NRXN1: variants seen among roughly 807,000 people sequenced by gnomAD.
NRXN1 encodes the protein neurexin-1.
NRXN1 carries 39 observed loss-of-function variants against 150.9 expected under a neutral mutation model. That is an observed-to-expected ratio of 0.26 (90% CI 0.20 to 0.34). The LOEUF (loss-of-function observed/expected upper bound fraction) is 0.34, where lower values mean the gene tolerates loss of function less well. Among genes scored for constraint, NRXN1 ranks in the 10% least tolerant of loss-of-function variants. The pLI is 1.00. For missense variants in NRXN1, 1,815 were observed against 1,949.9 expected (o/e 0.93, Z 1.30); for synonymous variants, 924 against 757.0 (o/e 1.22, Z -3.62).
At chr2:50,474,519 T>C (rs4297925) in intron 15 of NRXN1, among the ~76,000 whole-genome samples, 1 of 151,532 alleles carries the variant, frequency 6.6e-6, no homozygotes, top group South Asian at 2.1e-4. Context: ...CAAACCTCTG[T>C]GCATTTCCTC....
chr2:50,322,108 C>T (rs990168169), intron 17 of NRXN1, among the ~76,000 whole-genome samples: 4 of 151,200 alleles, frequency 2.6e-5, no homozygotes, highest in Non-Finnish European at 5.9e-5. Context: ...GACTAAACAC[C>T]TACTACCTGG....
intron 21 of NRXN1, among the ~76,000 whole-genome samples, chr2:50,036,169 G>C (rs1347942984): frequency 2.0e-5 from 3 of 152,136 alleles, no homozygotes; most frequent in African/African-American, 7.2e-5. Context: ...AGACCAGGCG[G>C]AGGTAACTGA....
chr2:50,660,492 A>C, intron 5 of NRXN1, among the ~76,000 whole-genome samples: 1 of 152,038 alleles, frequency 6.6e-6, no homozygotes, highest in Middle Eastern at 3.2e-3. Context: ...CAGTGCCACA[A>C]TTAAGTCACG....
At chr2:50,858,666 CTACTT>C (rs1379501259) in intron 5 of NRXN1, among the ~76,000 whole-genome samples, 1 of 152,066 alleles carries the variant, frequency 6.6e-6, no homozygotes, top group Non-Finnish European at 1.5e-5. Context: ...ACTATGCAGA[CTACTT>C]TAAACATCTG....
At chr2:50,000,572 G>T (rs1287105095) in intron 21 of NRXN1, among the ~76,000 whole-genome samples, 1 of 152,074 alleles carries the variant, frequency 6.6e-6, no homozygotes, top group East Asian at 1.9e-4. Flanking sequence ...CATAAAATAA[G>T]ATAGTCAACA....
At chr2:50,261,090 C>G (rs11686497) in intron 17 of NRXN1, among the ~76,000 whole-genome samples, 19,500 of 151,600 alleles carry the variant, frequency 0.13, 1,370 homozygotes, top group East Asian at 0.17. Context: ...CATGTAGAGA[C>G]AACCAGACTG....
chr2:49,944,939 A>G (rs1270519485), intron 21 of NRXN1, among the ~76,000 whole-genome samples: 2 of 152,348 alleles, frequency 1.3e-5, no homozygotes, highest in Non-Finnish European at 2.9e-5. Flanking sequence ...GTCACAGATT[A>G]AAGTATAACT....
chr2:50,708,431 T>A (rs1694727530), intron 5 of NRXN1, among the ~76,000 whole-genome samples: 1 of 152,198 alleles, frequency 6.6e-6, no homozygotes, highest in South Asian at 2.1e-4. Flanking sequence ...TAACTTTCTA[T>A]GTAATAAGAT....
intron 18 of NRXN1, among the ~76,000 whole-genome samples, chr2:50,117,742 A>AGT (rs1178737055): frequency 3.0e-4 from 46 of 151,450 alleles, no homozygotes; most frequent in African/African-American, 1.1e-3. Flanking sequence ...TCACCGATTC[A>AGT]GTGAGCCAAA....
intron 2 of NRXN1, among the ~76,000 whole-genome samples, chr2:50,935,775 A>C (rs1484900679): frequency 6.6e-6 from 1 of 152,102 alleles, no homozygotes; most frequent in Non-Finnish European, 1.5e-5. Flanking sequence ...CAAAAGAAAA[A>C]AAAAAGTGGC....
In NRXN1 at chr2:50,947,793, A is replaced by G. The variant is rs1690635819; in HGVS notation, c.773-21838T>C. Reference sequence around the variant, plus strand: ...AAGGGTTTCCCTCATTTCCAGTGAAATAGACATGTATAATATCTACTTAAC... The same window carrying G: ...AAGGGTTTCCCTCATTTCCAGTGAAGTAGACATGTATAATATCTACTTAAC... On this transcript the variant is annotated intron_variant, in intron 2 of 22. Transcript: ENST00000401669. 2.0e-5 allele frequency among the ~76,000 whole-genome samples: 3 copies of G among 152,030 alleles called. No individual in the cohort carries two copies. The South Asian group carries it at 6.2e-4, about 31-fold the overall frequency.
chr2:50,711,666 G>T (rs1025881257), intron 5 of NRXN1, among the ~76,000 whole-genome samples: 4 of 151,942 alleles, frequency 2.6e-5, no homozygotes, highest in African/African-American at 9.7e-5. Context: ...ATCACTGACT[G>T]CTATGGTTTT....
chr2:50,760,530 C>G (rs1340028515), intron 5 of NRXN1, among the ~76,000 whole-genome samples: 1 of 151,806 alleles, frequency 6.6e-6, no homozygotes, highest in African/African-American at 2.4e-5. Flanking sequence ...TGTTGTGAGG[C>G]TCCTCTTCTC....
intron 21 of NRXN1, among the ~76,000 whole-genome samples, chr2:49,987,895 A>C (rs1047625107): frequency 6.6e-6 from 1 of 152,072 alleles, no homozygotes; most frequent in Non-Finnish European, 1.5e-5. Flanking sequence ...CAATTTATAT[A>C]TTTAGTTGTA....
intron 5 of NRXN1, among the ~76,000 whole-genome samples, chr2:50,833,266 T>C (rs553935360): frequency 1.3e-5 from 2 of 152,340 alleles, no homozygotes; most frequent in African/African-American, 4.8e-5. Context: ...TGGAAAACAG[T>C]TTGGCAGTAT....
At chr2:50,370,941 A>T (rs1333772271) in intron 17 of NRXN1, among the ~76,000 whole-genome samples, 6 of 152,050 alleles carry the variant, frequency 3.9e-5, no homozygotes, top group Non-Finnish European at 7.4e-5. Context: ...TGACTGGCAT[A>T]CAACAAATAT....
chr2:50,663,627 C>A, intron 5 of NRXN1, among the ~76,000 whole-genome samples: 1 of 152,004 alleles, frequency 6.6e-6, no homozygotes, highest in East Asian at 1.9e-4. Flanking sequence ...CAATTACTTG[C>A]ATGCCTTTAG....
At chr2:50,583,474 T>C (rs1672609519) in intron 8 of NRXN1, among the ~76,000 whole-genome samples, 1 of 152,182 alleles carries the variant, frequency 6.6e-6, no homozygotes, top group African/African-American at 2.4e-5. Context: ...AGAATGACAA[T>C]GAACTGTTGC....
At chr2:50,693,852 T>C (rs970354136) in intron 5 of NRXN1, among the ~76,000 whole-genome samples, 1 of 152,202 alleles carries the variant, frequency 6.6e-6, no homozygotes, top group African/African-American at 2.4e-5. Flanking sequence ...AGTGCAGTGG[T>C]GCAACCGTAG....
Sources: gnomAD v4.1 joint callset for allele counts (sites outside exome capture counted in the v4.1 genomes callset) on GRCh38, gnomAD v4.1.1 for gene constraint, MANE v1.5 for transcripts, NCBI Gene and HGNC (gene_info 2026-07-23, HGNC 2026-07-21) for gene names.